BTBD9: variants seen among roughly 807,000 people sequenced by gnomAD.
The protein encoded by BTBD9 is BTB/POZ domain-containing protein 9.
A neutral mutation model predicts 64.3 loss-of-function variants in BTBD9; 49 were observed. That is an observed-to-expected ratio of 0.76 (90% CI 0.61 to 0.97). The LOEUF (loss-of-function observed/expected upper bound fraction) is 0.97. Among genes scored for constraint, BTBD9 ranks in the 50% least tolerant of loss-of-function variants. The pLI, the probability that BTBD9 is intolerant of heterozygous loss-of-function variation, is 0.00. For missense variants in BTBD9, 598 were observed against 762.1 expected (o/e 0.78, Z 2.53); for synonymous variants, 260 against 274.7 (o/e 0.95, Z 0.53).
intron 6 of BTBD9, among the ~76,000 whole-genome samples, chr6:38,366,891 C>T (rs925752472): frequency 2.6e-5 from 4 of 152,306 alleles, no homozygotes; most frequent in African/African-American, 7.2e-5. Flanking sequence ...TTCGCTGCAT[C>T]GGTCTTTGGT....
intron 9 of BTBD9, among the ~76,000 whole-genome samples, chr6:38,250,848 G>A (rs1398849775): frequency 2.0e-5 from 3 of 151,998 alleles, no homozygotes; most frequent in African/African-American, 4.8e-5. Flanking sequence ...CGAGGTGGGG[G>A]GATCACAAGG....
At chr6:38,467,001 CCAAA>C (rs1287060538) in intron 6 of BTBD9, among the ~76,000 whole-genome samples, 1 of 152,126 alleles carries the variant, frequency 6.6e-6, no homozygotes, top group African/African-American at 2.4e-5. Flanking sequence ...CTATGCATAA[CCAAA>C]CATACATGGA....
chr6:38,600,876 C>T (rs951637605), intron 1 of BTBD9, among the ~76,000 whole-genome samples: 4 of 152,118 alleles, frequency 2.6e-5, no homozygotes, highest in African/African-American at 9.7e-5. Context: ...TTTTGCTAAA[C>T]TTGCATTTTA....
At chr6:38,179,975 G>T (rs1213314156) in intron 10 of BTBD9, 1 of 390,044 alleles carries the variant, frequency 2.6e-6, no homozygotes, top group African/African-American at 2.1e-5. Context: ...CTGGCAGCCT[G>T]TCTGTAATTC....
Position 38,542,012 on chromosome 6 carries a change from C to T in BTBD9, c.1154+35588G>A, listed in dbSNP as rs373812346. Among the ~76,000 whole-genome samples, 26 of 152,210 alleles carry T rather than the reference C, an allele frequency of 1.7e-4. 1 individual carries two copies. The East Asian group carries it at 2.3e-3, about 14-fold the overall frequency. ...CCCATAAATTTATACAGAGAATATA[C>T]AGGGAGGAGAGATCAGAGATGGTTA... On this transcript the variant is annotated intron_variant, in intron 6 of 10. Transcript: ENST00000481247.
In BTBD9 at chr6:38,253,660, A is replaced by G. The variant is rs146064067; in HGVS notation, c.1562+2749T>C. ...AAGATGACAAGCTTTGAGGAAGTAC[A>G]AGGTCTGGTCTGGGAGCTGTGGACC... is the stretch of plus-strand genomic sequence containing the variant. On this transcript the variant is annotated intron_variant, in intron 9 of 10. Transcript: ENST00000481247. Among the ~76,000 whole-genome samples, 235 of 152,338 alleles carry G rather than the reference A, an allele frequency of 1.5e-3. 1 individual carries two copies. Among genetic ancestry groups the G allele is most frequent in the African/African-American group, 5.2e-3 (218 of 41,572 alleles).
At chr6:38,477,325 G>A (rs913335832) in intron 6 of BTBD9, among the ~76,000 whole-genome samples, 6 of 152,228 alleles carry the variant, frequency 3.9e-5, no homozygotes, top group African/African-American at 1.4e-4. Context: ...TCAACTAAGT[G>A]TTACCTAGTA....
chr6:38,169,865 G>A lies in BTBD9; in HGVS notation c.*5120C>T, dbSNP rs1299534112. The stretch of plus-strand genomic sequence containing the variant: ...CAGGTGGATGATTGTGAGTCTTCAG[G>A]CCATGAGGCCTCTTGGGGACTATTT... On this transcript the variant is annotated 3_prime_UTR_variant, in exon 11 of 11. Coordinates refer to ENST00000481247, the MANE Select transcript of BTBD9 (RefSeq NM_001099272.2). 1.3e-5 allele frequency: 2 copies of A among 150,576 alleles called. No homozygotes were observed. The highest frequency in any genetic ancestry group is 3.0e-5 in the Non-Finnish European group (2 of 67,666). 9.3% of individuals were successfully genotyped at this position (150,576 alleles called of 1,614,324 possible).
chr6:38,201,851 T>A (rs750231037), intron 9 of BTBD9, among the ~76,000 whole-genome samples: 2 of 152,014 alleles, frequency 1.3e-5, no homozygotes, highest in Non-Finnish European at 2.9e-5. Flanking sequence ...ATAGCTGCCA[T>A]GGAAAAAAAT....
chr6:38,193,171 C>T (rs1409417124), intron 9 of BTBD9, among the ~76,000 whole-genome samples: 1 of 152,182 alleles, frequency 6.6e-6, no homozygotes, highest in Non-Finnish European at 1.5e-5. Context: ...GGGCTGTTGG[C>T]AGAATGACCT....
chr6:38,431,159 G>A (rs1768425025), intron 6 of BTBD9, among the ~76,000 whole-genome samples: 1 of 151,768 alleles, frequency 6.6e-6, no homozygotes, highest in African/African-American at 2.4e-5. Context: ...ATACCCATCT[G>A]TATGCTAATA....
At chr6:38,441,656 A>G (rs1769040507) in intron 6 of BTBD9, among the ~76,000 whole-genome samples, 1 of 152,034 alleles carries the variant, frequency 6.6e-6, no homozygotes, top group African/African-American at 2.4e-5. Context: ...GGCTCAAGTG[A>G]TCCTCCCACC....
chr6:38,392,822 A>G (rs1766485643), intron 6 of BTBD9, among the ~76,000 whole-genome samples: 1 of 152,126 alleles, frequency 6.6e-6, no homozygotes, highest in Admixed American at 6.6e-5. Context: ...AAAATATAAC[A>G]TAAGGCAATG....
chr6:38,586,315 A>G (rs1488093723), intron 4 of BTBD9, among the ~76,000 whole-genome samples: 3 of 152,202 alleles, frequency 2.0e-5, no homozygotes, highest in African/African-American at 7.2e-5. Context: ...CCAGCTGTAT[A>G]GAAAAATGTT....
intron 10 of BTBD9, among the ~76,000 whole-genome samples, chr6:38,189,271 A>G (rs1761948255): frequency 6.6e-6 from 1 of 152,162 alleles, no homozygotes; most frequent in African/African-American, 2.4e-5. Context: ...TGTCTCTCCC[A>G]GGAATCCTGC....
At chr6:38,422,703 T>C (rs1357072242) in intron 6 of BTBD9, among the ~76,000 whole-genome samples, 1 of 152,164 alleles carries the variant, frequency 6.6e-6, no homozygotes, top group Non-Finnish European at 1.5e-5. Flanking sequence ...TTTAAAAAAC[T>C]TTCTCAGAGG....
chr6:38,298,510 C>G (rs1762249657), intron 7 of BTBD9, among the ~76,000 whole-genome samples: 2 of 152,086 alleles, frequency 1.3e-5, no homozygotes, highest in African/African-American at 2.4e-5. Flanking sequence ...GAAAACATCT[C>G]ATGTCCTCTC....
intron 7 of BTBD9, among the ~76,000 whole-genome samples, chr6:38,336,664 C>A (rs7772551): frequency 1.7e-3 from 256 of 152,222 alleles, no homozygotes; most frequent in African/African-American, 5.7e-3. Flanking sequence ...GATGGGGATA[C>A]CGCCAAACCA....
chr6:38,605,755 C>T (rs185494512), intron 1 of BTBD9, among the ~76,000 whole-genome samples: 5 of 152,184 alleles, frequency 3.3e-5, no homozygotes, highest in East Asian at 1.9e-4. Flanking sequence ...GAGGTCGAGG[C>T]GGCAGTGAGC....
Sources: gnomAD v4.1 joint callset for allele counts (sites outside exome capture counted in the v4.1 genomes callset) on GRCh38, gnomAD v4.1.1 for gene constraint, MANE v1.5 for transcripts, NCBI Gene and HGNC (gene_info 2026-07-23, HGNC 2026-07-21) for gene names.